SGCD: variants seen among roughly 807,000 people sequenced by gnomAD.
SGCD encodes the protein sarcoglycan delta, also known as delta-sarcoglycan.
In SGCD, 18 loss-of-function variants were observed where a neutral mutation model predicts 36.6. The observed-to-expected ratio is 0.49, with a 90% CI of 0.34 to 0.73. The LOEUF (loss-of-function observed/expected upper bound fraction) is 0.73, where lower values mean the gene tolerates loss of function less well. Ranked by LOEUF, SGCD falls within the 30% of genes least tolerant of loss-of-function variation. The pLI is 0.01. For synonymous variants in SGCD, 133 were observed against 130.6 expected (o/e 1.02, Z -0.12); for missense variants, 387 against 346.7 (o/e 1.12, Z -0.92).
At chr5:156,287,281 G>A (rs552725776) in intron 3 of SGCD, among the ~76,000 whole-genome samples, 1 of 152,262 alleles carries the variant, frequency 6.6e-6, no homozygotes, top group South Asian at 2.1e-4. Context: ...ATCTGGAAGG[G>A]AGACTGAGAG....
chr5:155,981,052 G>A (rs1758219747), intron 1 of SGCD, among the ~76,000 whole-genome samples: 1 of 152,236 alleles, frequency 6.6e-6, no homozygotes, highest in Non-Finnish European at 1.5e-5. Context: ...GTGGAAGCAG[G>A]AGGAGGTGGT....
intron 6 of SGCD, among the ~76,000 whole-genome samples, chr5:156,595,526 G>A (rs1462443431): frequency 6.6e-6 from 1 of 152,190 alleles, no homozygotes; most frequent in African/African-American, 2.4e-5. Context: ...TTTAAAGCAA[G>A]GCAGTTGAAC....
chr5:156,468,056 A>G (rs1411549128), intron 3 of SGCD, among the ~76,000 whole-genome samples: 3 of 152,172 alleles, frequency 2.0e-5, no homozygotes, highest in Non-Finnish European at 4.4e-5. Flanking sequence ...GGTTAAGAAT[A>G]TTTATAAATT....
intron 4 of SGCD, among the ~76,000 whole-genome samples, chr5:156,541,754 A>G (rs1475182204): frequency 6.6e-6 from 1 of 152,168 alleles, no homozygotes; most frequent in Admixed American, 6.5e-5. Flanking sequence ...TAGAAACCCT[A>G]TAAAGTAAAA....
chr5:156,073,399 A>T (rs952109732), intron 1 of SGCD, among the ~76,000 whole-genome samples: 3 of 152,030 alleles, frequency 2.0e-5, no homozygotes, highest in African/African-American at 7.2e-5. Context: ...CTCTACAAAA[A>T]TTGGCCAAAA....
At chr5:156,756,630 C>G (rs888176084) in intron 7 of SGCD, among the ~76,000 whole-genome samples, 1 of 152,202 alleles carries the variant, frequency 6.6e-6, no homozygotes, top group African/African-American at 2.4e-5. Context: ...CAAAAAGCTT[C>G]CTCCTAAGGA....
intron 3 of SGCD, among the ~76,000 whole-genome samples, chr5:156,456,712 T>C (rs568895675): frequency 6.6e-6 from 1 of 152,194 alleles, no homozygotes; most frequent in Non-Finnish European, 1.5e-5. Context: ...ATTGTGGTTT[T>C]GTTGACGCCT....
chr5:156,680,688 C>T (rs982990554), intron 7 of SGCD, among the ~76,000 whole-genome samples: 3 of 152,050 alleles, frequency 2.0e-5, no homozygotes, highest in Admixed American at 6.5e-5. Flanking sequence ...TATAATAGGC[C>T]TATGTGAAAG....
chr5:156,495,190 C>A (rs1463886331), intron 3 of SGCD, among the ~76,000 whole-genome samples: 1 of 152,078 alleles, frequency 6.6e-6, no homozygotes, highest in African/African-American at 2.4e-5. Flanking sequence ...ATAGATGTCT[C>A]CTCTGGACCA....
At chr5:156,069,336 A>T (rs2127586778) in intron 1 of SGCD, among the ~76,000 whole-genome samples, 1 of 152,222 alleles carries the variant, frequency 6.6e-6, no homozygotes, top group Middle Eastern at 3.4e-3. Flanking sequence ...TCAGCTTTCC[A>T]TATATGGCTA....
rs568158790 is a variant in SGCD at position 156,690,928 on chromosome 5, C to T, written c.575+43392C>T. ...TGAAAGTCAAAATGAGATCCAGAGC[C>T]GGGTGCAATGGCTTACTCCTGTAAT... On this transcript the variant is annotated intron_variant, in intron 7 of 8. Coordinates refer to ENST00000337851, the MANE Select transcript of SGCD (RefSeq NM_000337.6). 2.1e-4 allele frequency among the ~76,000 whole-genome samples: 32 copies of T among 152,116 alleles called. No individual in the cohort carries two copies. In the South Asian group the frequency reaches 2.9e-3, roughly 14 times the overall value.
chr5:156,096,822 A>G (rs961012054), intron 1 of SGCD, among the ~76,000 whole-genome samples: 30 of 152,212 alleles, frequency 2.0e-4, no homozygotes, highest in Non-Finnish European at 4.4e-4. Flanking sequence ...CTCAAATTCC[A>G]AGATTCTTTT....
intron 1 of SGCD, among the ~76,000 whole-genome samples, chr5:155,962,095 C>T (rs1460854589): frequency 6.6e-6 from 1 of 152,002 alleles, no homozygotes; most frequent in Non-Finnish European, 1.5e-5. Context: ...GATGAGAAAC[C>T]TGAGGCTTCA....
intron 3 of SGCD, among the ~76,000 whole-genome samples, chr5:156,449,844 C>T (rs1238254898): frequency 7.7e-6 from 1 of 130,664 alleles, no homozygotes; most frequent in Admixed American, 7.6e-5. Context: ...AAGAGTGAAA[C>T]TCCATCTCAA....
chr5:156,173,654 T>C (rs1204783219), intron 3 of SGCD, among the ~76,000 whole-genome samples: 5 of 152,144 alleles, frequency 3.3e-5, no homozygotes, highest in Admixed American at 6.5e-5. Context: ...TTTCCCCCAT[T>C]CCAGTGCCCT....
chr5:155,995,547 G>T (rs983026668), intron 1 of SGCD, among the ~76,000 whole-genome samples: 5 of 152,070 alleles, frequency 3.3e-5, no homozygotes, highest in South Asian at 4.1e-4. Flanking sequence ...AAAATAAATT[G>T]AATACAACAA....
At chr5:156,505,341 C>G (rs1756651051) in intron 3 of SGCD, among the ~76,000 whole-genome samples, 1 of 152,136 alleles carries the variant, frequency 6.6e-6, no homozygotes, top group East Asian at 1.9e-4. Flanking sequence ...ACAATTTTGA[C>G]CTGCAGGATC....
chr5:156,453,259 T>C (rs1754103904), intron 3 of SGCD, among the ~76,000 whole-genome samples: 1 of 152,156 alleles, frequency 6.6e-6, no homozygotes, highest in Admixed American at 6.5e-5. Flanking sequence ...GATTGACTTG[T>C]CCCGCTAGTG....
chr5:156,097,775 T>A lies in SGCD; in HGVS notation c.-281-20103T>A, dbSNP rs1048107890. Among the ~76,000 whole-genome samples, 3 of 152,332 alleles carry A rather than the reference T, an allele frequency of 2.0e-5. No individual in the cohort carries two copies. In the East Asian group the frequency reaches 5.8e-4, roughly 29 times the overall value. The stretch of plus-strand genomic sequence containing the variant: ...TTGCCTTGGTTCTTGGTATGATGAG[T>A]AATTTTGCATTGTATTCTGGACATT... On this transcript the variant is annotated intron_variant, in intron 1 of 9. Coordinates refer to the SGCD transcript ENST00000517913.
Sources: gnomAD v4.1 joint callset for allele counts (sites outside exome capture counted in the v4.1 genomes callset) on GRCh38, gnomAD v4.1.1 for gene constraint, MANE v1.5 for transcripts, NCBI Gene and HGNC (gene_info 2026-07-23, HGNC 2026-07-21) for gene names.